KCTD8: variants seen among roughly 807,000 people sequenced by gnomAD.
The protein encoded by KCTD8 is potassium channel tetramerization domain containing 8.
A neutral mutation model predicts 31.5 loss-of-function variants in KCTD8; 27 were observed. The ratio of observed to expected loss-of-function variants is 0.86; its 90% CI spans 0.63 to 1.18. The LOEUF is 1.18. Among genes scored for constraint, KCTD8 ranks in the 50% most tolerant of loss-of-function variants. The probability of loss-of-function intolerance (pLI) is 0.00; values close to 1 mark genes in which losing one functional copy is unlikely to be tolerated. For missense variants in KCTD8, 658 were observed against 647.7 expected, an observed-to-expected ratio of 1.02 and a Z score of -0.17; for synonymous variants, 290 against 280.0, an observed-to-expected ratio of 1.04 and a Z score of -0.36.
chr4:44,444,948 GA>G (rs1371754725), intron 1 of KCTD8, among the ~76,000 whole-genome samples: 4 of 151,652 alleles, frequency 2.6e-5, no homozygotes, highest in Non-Finnish European at 4.4e-5. Context: ...AATATTTGCT[GA>G]AAAAAAGGGT....
intron 1 of KCTD8, among the ~76,000 whole-genome samples, chr4:44,294,894 T>C (rs1458921768): frequency 1.3e-5 from 2 of 152,160 alleles, no homozygotes; most frequent in Admixed American, 1.3e-4. Flanking sequence ...TCCTGAGGCA[T>C]ATCTATTGAA....
intron 1 of KCTD8, among the ~76,000 whole-genome samples, chr4:44,411,340 T>C (rs1370463649): frequency 1.5e-5 from 2 of 135,104 alleles, no homozygotes; most frequent in African/African-American, 5.7e-5. Flanking sequence ...AATGTGCCAC[T>C]GCACTCCAAC....
At chr4:44,256,946 C>T (rs760547597) in intron 1 of KCTD8, among the ~76,000 whole-genome samples, 1 of 151,870 alleles carries the variant, frequency 6.6e-6, no homozygotes, top group Non-Finnish European at 1.5e-5. Context: ...CCTCTATGAC[C>T]TAACAGTTTC....
intron 1 of KCTD8, among the ~76,000 whole-genome samples, chr4:44,380,935 T>C (rs59767759): frequency 0.05 from 7,569 of 152,046 alleles, 634 homozygotes; most frequent in African/African-American, 0.17. Context: ...ACATTAGAAT[T>C]ATGAAGTCAT....
chr4:44,323,215 C>A (rs1229578359), intron 1 of KCTD8, among the ~76,000 whole-genome samples: 1 of 151,900 alleles, frequency 6.6e-6, no homozygotes, highest in Non-Finnish European at 1.5e-5. Context: ...AACATGTGGC[C>A]AGGCACGGTG....
chr4:44,295,323 C>A (rs1288763798), intron 1 of KCTD8, among the ~76,000 whole-genome samples: 2 of 151,910 alleles, frequency 1.3e-5, no homozygotes, highest in Middle Eastern at 6.3e-3. Flanking sequence ...GACAGAAAAA[C>A]TAGACGACTA....
chr4:44,315,550 A>G (rs1223896538), intron 1 of KCTD8, among the ~76,000 whole-genome samples: 1 of 152,040 alleles, frequency 6.6e-6, no homozygotes, highest in Non-Finnish European at 1.5e-5. Context: ...TAGTTACTCT[A>G]TTTTTGTATT....
At chr4:44,368,988 T>A (rs1382263534) in intron 1 of KCTD8, among the ~76,000 whole-genome samples, 2 of 152,182 alleles carry the variant, frequency 1.3e-5, no homozygotes, top group Non-Finnish European at 2.9e-5. Flanking sequence ...CTGTCCTTTT[T>A]TTGCAGTTAC....
intron 1 of KCTD8, among the ~76,000 whole-genome samples, chr4:44,276,417 C>A (rs1052663164): frequency 1.3e-5 from 2 of 151,814 alleles, no homozygotes; most frequent in African/African-American, 2.4e-5. Context: ...CGTTTGGATG[C>A]AGCTATATGT....
rs1049876069 is a variant in KCTD8, at chr4:44,448,623, T to C, written c.-100A>G. Reference sequence around the variant, plus strand: ...CGCGTGCTCCTGGCGCTCTGCGCCCTCGGACTGGGCGGCGCGTTCCTCCGA... The same window carrying C: ...CGCGTGCTCCTGGCGCTCTGCGCCCCCGGACTGGGCGGCGCGTTCCTCCGA... On this transcript the variant is annotated 5_prime_UTR_variant, in exon 1 of 2. Coordinates refer to ENST00000360029, the MANE Select transcript of KCTD8 (RefSeq NM_198353.3). The surrounding 1 kb of genome is among the most constrained non-coding windows in gnomAD (Gnocchi z 4.1). 5.7e-6 allele frequency: 7 copies of C among 1,235,436 alleles called. No individual in the cohort carries two copies. Among genetic ancestry groups the C allele is most frequent in the African/African-American group, 3.1e-5 (2 of 63,506 alleles). The allele number at this position is 1,235,436 out of a possible 1,614,324, so 76.5% of individuals were successfully genotyped here.
intron 1 of KCTD8, among the ~76,000 whole-genome samples, chr4:44,177,315 A>G (rs1713247463): frequency 6.6e-6 from 1 of 151,986 alleles, no homozygotes; most frequent in Non-Finnish European, 1.5e-5. Flanking sequence ...ATCTGGTTAT[A>G]TCCCTGGACC....
At chr4:44,351,456 C>T (rs1016013989) in intron 1 of KCTD8, among the ~76,000 whole-genome samples, 4 of 151,946 alleles carry the variant, frequency 2.6e-5, no homozygotes, top group Non-Finnish European at 5.9e-5. Flanking sequence ...TCATTTTGGC[C>T]GTTTCTTCAG....
Position 44,337,234 on chromosome 4 carries a change from T to C in KCTD8, c.961+110329A>G, listed in dbSNP as rs543756479. Among the ~76,000 whole-genome samples the C allele has an allele frequency of 3.3e-5, 5 of 152,292 alleles. No homozygotes were observed. The East Asian group carries it at 9.6e-4, about 29-fold the overall frequency. On this transcript the variant is annotated intron_variant, in intron 1 of 1. Transcript: ENST00000360029. Reference sequence around the variant, plus strand: ...AAGACAGGCTGGTAGGAGTATAAATTAGTTCAATTATGATTAAAAATCAAT... The same window carrying C: ...AAGACAGGCTGGTAGGAGTATAAATCAGTTCAATTATGATTAAAAATCAAT...
rs562425359 is a variant in KCTD8, at chr4:44,192,213, G to T, written c.962-16963C>A. 2.2e-4 allele frequency among the ~76,000 whole-genome samples: 34 copies of T among 152,284 alleles called. 1 individual carries two copies. In the South Asian group the frequency reaches 7.0e-3, roughly 32 times the overall value. On this transcript the variant is annotated intron_variant, in intron 1 of 1. Coordinates refer to ENST00000360029, the MANE Select transcript of KCTD8 (RefSeq NM_198353.3). ...TGACCAAAGAAATTGGAGAAATTTG[G>T]AGAAAATCAGACAAAAACAAATCTA...
chr4:44,400,177 G>C (rs1467103904), intron 1 of KCTD8, among the ~76,000 whole-genome samples: 2 of 152,140 alleles, frequency 1.3e-5, no homozygotes, highest in Non-Finnish European at 2.9e-5. Flanking sequence ...GTTACTTTCT[G>C]ATAAGTTTCT....
intron 1 of KCTD8, among the ~76,000 whole-genome samples, chr4:44,289,648 C>T (rs1023944649): frequency 2.0e-5 from 3 of 152,114 alleles, no homozygotes; most frequent in Non-Finnish European, 2.9e-5. Context: ...CCTAGCTACA[C>T]GAGATCCCAC....
intron 1 of KCTD8, among the ~76,000 whole-genome samples, chr4:44,368,459 C>G (rs1719698428): frequency 6.6e-6 from 1 of 152,040 alleles, no homozygotes; most frequent in Admixed American, 6.6e-5. Context: ...GGAATTCAAC[C>G]AATTACCACT....
intron 1 of KCTD8, among the ~76,000 whole-genome samples, chr4:44,306,159 A>G (rs1717796744): frequency 6.6e-6 from 1 of 152,026 alleles, no homozygotes; most frequent in South Asian, 2.1e-4. Flanking sequence ...GAAGAAATGA[A>G]ATAATAAATG....
chr4:44,269,542 G>T (rs1429796339), intron 1 of KCTD8, among the ~76,000 whole-genome samples: 9 of 151,618 alleles, frequency 5.9e-5, no homozygotes, highest in Admixed American at 3.9e-4. Flanking sequence ...TGACAAATGG[G>T]ATCTAATTAA....
Sources: allele counts gnomAD v4.1 joint callset (sites outside exome capture counted in the v4.1 genomes callset), GRCh38; gene constraint gnomAD v4.1.1; non-coding constraint Gnocchi (gnomAD v3.1); transcripts MANE v1.5; gene names NCBI Gene and HGNC (gene_info 2026-07-23, HGNC 2026-07-21).